The following CROCC2 variants were observed in gnomAD, a reference collection of about 807,000 sequenced individuals.
CROCC2 encodes ciliary rootlet coiled-coil protein 2.
In CROCC2, 163 loss-of-function variants were observed where a neutral mutation model predicts 177.6. The observed-to-expected ratio is 0.92, with a 90% confidence interval of 0.81 to 1.05. The LOEUF (loss-of-function observed/expected upper bound fraction) is 1.05, where lower values mean the gene tolerates loss of function less well. CROCC2 is among the 50% of genes least tolerant of loss of function. The pLI, the probability that CROCC2 is intolerant of heterozygous loss-of-function variation, is 0.00. For missense variants in CROCC2, 1,929 were observed against 1,797.8 expected, an observed-to-expected ratio of 1.07 and a Z score of -1.32; for synonymous variants, 904 against 787.3, an observed-to-expected ratio of 1.15 and a Z score of -2.48.
chr2:240,945,425 C>T (rs1186088742), intron 14 of CROCC2, among the ~76,000 whole-genome samples: 1 of 152,224 alleles, frequency 6.6e-6, no homozygotes, highest in Admixed American at 6.5e-5. Context: ...CAGAGCCTCT[C>T]TGTTTTGGTG....
chr2:240,985,937 C>T (rs778005108), intron 28 of CROCC2: 1 of 456,560 alleles, frequency 2.2e-6, no homozygotes, highest in South Asian at 1.5e-5. Context: ...GGCCCCAGCC[C>T]ACGGGGTGGC....
In CROCC2 at chr2:240,949,670, C is replaced by G; in HGVS notation, c.2620C>G (p.Arg874Gly). ...CCTGGAGAGCCAGGCGTTGGCCCAC[C>G]GAGAGGCCCTGGCACAGCTCCAAAG... is the stretch of plus-strand genomic sequence containing the variant. Reference protein sequence around the residue: ...RALESQALAHREALAQLQREK... With the variant: ...RALESQALAHGEALAQLQREK... Residue 874 changes from arginine (R) to glycine (G), a missense_variant, in exon 17 of 32, where the codon CGA becomes GGA. Arg to Gly is a moderately radical substitution (Grantham distance 125). Coordinates refer to ENST00000690015, the MANE Select transcript of CROCC2 (RefSeq NM_001351305.2). This position sits in a 1 kb window ranked among gnomAD's most constrained non-coding sequence, Gnocchi z 4.5. 6.5e-7 allele frequency: 1 copy of G among 1,549,114 alleles called. No homozygotes were observed. The highest frequency in any genetic ancestry group is 8.7e-7 in the Non-Finnish European group (1 of 1,146,558).
At chr2:240,913,845 A>G (rs1475176787) in intron 1 of CROCC2, among the ~76,000 whole-genome samples, 2 of 152,256 alleles carry the variant, frequency 1.3e-5, no homozygotes. Flanking sequence ...CACCCAGCCC[A>G]AGGCCCTCTC....
intron 1 of CROCC2, among the ~76,000 whole-genome samples, chr2:240,907,825 C>G (rs78770451): frequency 4.5e-4 from 43 of 95,770 alleles, no homozygotes; most frequent in African/African-American, 1.1e-3. Context: ...CCTCGGGTGA[C>G]CTCTACCTCC....
At chr2:240,976,516 G>T (rs2059767250) in intron 27 of CROCC2, among the ~76,000 whole-genome samples, 1 of 121,596 alleles carries the variant, frequency 8.2e-6, no homozygotes, top group African/African-American at 3.3e-5. Context: ...CTCAGTCTCT[G>T]GGGTAGGAGC....
chr2:240,989,613 C>A, intron 29 of CROCC2, 41 bp from the exon 30 acceptor site: 1 of 1,514,530 alleles, frequency 6.6e-7, no homozygotes. Context: ...GTGCGGCCCT[C>A]AGTGAGAGAC....
rs562214342 is a variant in CROCC2, at chr2:240,934,827, C to T, written c.1792-89C>T. On this transcript the variant is annotated intron_variant, in intron 12 of 31. Coordinates refer to ENST00000690015, the MANE Select transcript of CROCC2 (RefSeq NM_001351305.2). ...CCAAGAGCTCTGGCTTGCACACCTC[C>T]GTGGCTCAGGGCTCACTCCTTTCCC... 1.4e-3 allele frequency: 1,950 copies of T among 1,351,202 alleles called. 53 individuals carry two copies. In the South Asian group the frequency reaches 0.031, roughly 21 times the overall value. The allele number at this position is 1,351,202 out of a possible 1,614,324, so 83.7% of individuals were successfully genotyped here. A position where few individuals can be genotyped will look rare whatever the true frequency, so the allele number is the denominator to read the frequency against.
In CROCC2 at chr2:240,982,871, T is replaced by A. The variant is rs1559191445; in HGVS notation, c.4402-9T>A. On this transcript the variant is annotated splice_polypyrimidine_tract_variant and intron_variant, in intron 27 of 31. Coordinates refer to ENST00000690015, the MANE Select transcript of CROCC2 (RefSeq NM_001351305.2). The surrounding 1 kb of genome is among the most constrained non-coding windows in gnomAD (Gnocchi z 4.7). Reference sequence around the variant, plus strand: ...TCTCCAGGTGGACCCTGTGTCTCCTTCCCCCCAGGAGCAACTGGAAACGCT... The same window carrying A: ...TCTCCAGGTGGACCCTGTGTCTCCTACCCCCCAGGAGCAACTGGAAACGCT... The A allele has an allele frequency of 6.5e-7, 1 of 1,544,080 alleles. No individual in the cohort carries two copies. The highest frequency in any genetic ancestry group is 2.0e-5 in the Admixed American group (1 of 50,406).
Position 240,949,086 on chromosome 2 carries a change from A to T in CROCC2, c.2471A>T (p.Gln824Leu). ...GCCCGGAGCGCAGGACTCGCGCGGC[A>T]GGCCTTGCAAGGTGCTCCAAGGGCG... ...EEARSAGLAR[Q>L]ALQVEMEQLQ... Residue 824 changes from glutamine (Q) to leucine (L), a missense_variant, in exon 16 of 32, where the codon CAG (glutamine) becomes CTG (leucine). By Grantham distance (113) the Gln-to-Leu change is moderately radical. This residue lies in a region of CROCC2 where 1,397 missense variants were observed against 1,239.9 expected (regional missense o/e 1.13). Transcript: ENST00000690015. The surrounding 1 kb of genome is among the most constrained non-coding windows in gnomAD (Gnocchi z 4.5). 6.5e-7 allele frequency: 1 copy of T among 1,540,832 alleles called. No individual in the cohort carries two copies. The highest frequency in any genetic ancestry group is 1.2e-5 in the South Asian group (1 of 82,790).
intron 30 of CROCC2, 127 bp downstream of exon 30, chr2:240,989,960 C>A: frequency 2.3e-6 from 2 of 868,182 alleles, no homozygotes; most frequent in Non-Finnish European, 1.7e-6. Context: ...CACTGCCACC[C>A]AGTGGGCTCC....
At chr2:240,922,440 C>A in intron 3 of CROCC2, 99 bp from the exon 4 acceptor site, 1 of 592,944 alleles carries the variant, frequency 1.7e-6, no homozygotes. Context: ...AGGGAGCCCT[C>A]TCTTCCCCAC....
chr2:240,932,499 C>G, intron 8 of CROCC2, 85 bp downstream of exon 8: 1 of 707,092 alleles, frequency 1.4e-6, no homozygotes. Flanking sequence ...AAGCCTGGTG[C>G]GGCAGTGGAC....
In CROCC2 at chr2:240,973,148, G is replaced by A. The variant is rs114830922; in HGVS notation, c.4401+4886G>A. Among the ~76,000 whole-genome samples, 1,556 of 152,292 alleles carry A rather than the reference G, an allele frequency of 0.01. 22 individuals are homozygous for A. The highest frequency in any genetic ancestry group is 0.033 in the African/African-American group (1,387 of 41,560). ...GTTTTTCCCCTGTTTCACATAAGCCGATGTGTTTGTCAAGAGAAAGTTAAT... is the reference window on the plus strand; with the variant it reads ...GTTTTTCCCCTGTTTCACATAAGCCAATGTGTTTGTCAAGAGAAAGTTAAT... On this transcript the variant is annotated intron_variant, in intron 27 of 31. Coordinates refer to ENST00000690015, the MANE Select transcript of CROCC2 (RefSeq NM_001351305.2). This position sits in a 1 kb window ranked among gnomAD's most constrained non-coding sequence, Gnocchi z 4.7.
intron 21 of CROCC2, 174 bp from the exon 22 acceptor site, chr2:240,964,292 G>C: frequency 1.4e-6 from 1 of 730,390 alleles, no homozygotes; most frequent in East Asian, 2.7e-5. Context: ...ACCGGGACCT[G>C]GGTGGACATA....
chr2:240,946,315 G>A (rs2059524285), intron 15 of CROCC2, 62 bp downstream of exon 15: 1 of 1,428,288 alleles, frequency 7.0e-7, no homozygotes, highest in African/African-American at 1.4e-5. Flanking sequence ...AGAGTCTGCA[G>A]TGTGGCAGGG....
intron 31 of CROCC2, among the ~76,000 whole-genome samples, chr2:240,992,693 C>A (rs946349222): frequency 1.2e-4 from 18 of 152,204 alleles, no homozygotes; most frequent in African/African-American, 4.1e-4. Context: ...CGATAGGCAC[C>A]CCCTGCCATG....
rs1396307046 is a variant in CROCC2, at chr2:240,973,695, C to G, written c.4401+5433C>G. On this transcript the variant is annotated intron_variant, in intron 27 of 31. Transcript: ENST00000690015. The surrounding 1 kb of genome is among the most constrained non-coding windows in gnomAD (Gnocchi z 4.7). ...AGCAGCTTAGGGCCAGCGGGGCCCA[C>G]AAGGTGGACACTGAGCCACAGTCAG... 1.3e-5 allele frequency among the ~76,000 whole-genome samples: 2 copies of G among 152,230 alleles called. No individual in the cohort carries two copies. Among genetic ancestry groups the G allele is most frequent in the African/African-American group, 4.8e-5 (2 of 41,456 alleles).
Position 240,949,003 on chromosome 2 carries a change from C to A in CROCC2, c.2388C>A (p.Ser796Arg). The change falls in exon 16 of 32, where the codon AGC (serine) becomes AGA (arginine). Residue 796 changes from serine (S) to arginine (R), a missense_variant. This residue lies in a region of CROCC2 where 1,397 missense variants were observed against 1,239.9 expected (regional missense o/e 1.13). Coordinates refer to ENST00000690015, the MANE Select transcript of CROCC2 (RefSeq NM_001351305.2). The surrounding 1 kb of genome is among the most constrained non-coding windows in gnomAD (Gnocchi z 4.5). ...DLRVERDSLE[S>R]SLLEAQQLAT... Reference sequence around the variant, plus strand: ...GGGTGGAGAGGGACTCCCTGGAGAGCAGCCTCCTTGAGGCCCAACAGCTGG... The same window carrying A: ...GGGTGGAGAGGGACTCCCTGGAGAGAAGCCTCCTTGAGGCCCAACAGCTGG... The A allele has an allele frequency of 3.2e-6, 5 of 1,550,320 alleles. No individual in the cohort carries two copies. Among genetic ancestry groups the A allele is most frequent in the Non-Finnish European group, 4.4e-6 (5 of 1,146,922 alleles).
rs1194127721 is a variant in CROCC2, at chr2:240,918,832, TC to T, written c.187del (p.Arg63ValfsTer8). 1 of 639,864 alleles carries T rather than the reference TC, an allele frequency of 1.6e-6. No homozygotes were observed. The highest frequency in any genetic ancestry group is 2.5e-5 in the Admixed American group (1 of 39,984). 39.6% of individuals were successfully genotyped at this position (639,864 alleles called of 1,614,324 possible). A position where few individuals can be genotyped will look rare whatever the true frequency, so the allele number is the denominator to read the frequency against. ...TCGCCCACCCCCGTGCCCACCCGCA[TC>T]CGTGAGATCGTGGCCGGCAGCCTGA... ...QASPTPVPTR[I>X]REIVAGSLSE... On this transcript the variant is annotated frameshift_variant, in exon 2 of 32. Transcript: ENST00000690015. LOFTEE classifies it high-confidence loss of function. The surrounding 1 kb of genome is among the most constrained non-coding windows in gnomAD (Gnocchi z 6.3).
Sources: allele counts gnomAD v4.1 joint callset (sites outside exome capture counted in the v4.1 genomes callset), GRCh38; gene constraint gnomAD v4.1.1; regional missense constraint gnomAD v4.1.1; non-coding constraint Gnocchi (gnomAD v3.1); transcripts MANE v1.5; gene names NCBI Gene and HGNC (gene_info 2026-07-23, HGNC 2026-07-21).